The following EVC variants were observed in gnomAD, a reference collection of about 807,000 sequenced individuals.
EVC encodes evC complex member EVC.
A neutral mutation model predicts 118.9 loss-of-function variants in EVC; 116 were observed. That is an observed-to-expected ratio of 0.98 (90% confidence interval 0.84 to 1.14). The LOEUF (loss-of-function observed/expected upper bound fraction) is 1.14, where lower values mean the gene tolerates loss of function less well. EVC is among the 50% of genes most tolerant of loss of function. The pLI is 0.00. For synonymous variants in EVC, 619 were observed against 534.7 expected, an observed-to-expected ratio of 1.16 and a Z score of -2.18; for missense variants, 1,401 against 1,246.4, an observed-to-expected ratio of 1.12 and a Z score of -1.87.
rs374197757 is a variant in EVC, at chr4:5,731,433, C to T, written c.393C>T (p.Ala131=). The change falls in exon 4 of 21, where the codon GCC becomes GCT. Residue 131 remains alanine, a synonymous_variant. Transcript: ENST00000264956. The surrounding 1 kb of genome is among the most constrained non-coding windows in gnomAD (Gnocchi z 5.6). Reference sequence around the variant, plus strand: ...TCCTACTGCCACCCCAGCCTCTGGCCGATGGCTCCTCCAACCCGTCTCTGC... The same window carrying T: ...TCCTACTGCCACCCCAGCCTCTGGCTGATGGCTCCTCCAACCCGTCTCTGC... ...YPINQKFRPL[A]DGSSNPSLHE... is the part of the protein sequence containing the mutation. 3.7e-6 allele frequency: 6 copies of T among 1,613,424 alleles called. No individual in the cohort carries two copies. Among genetic ancestry groups the T allele is most frequent in the South Asian group, 1.1e-5 (1 of 91,032 alleles).
At position 5,737,685 on chromosome 4, in the gene EVC, T is replaced by A. The variant is rs964620723; in HGVS notation, c.703-4031T>A. Among the ~76,000 whole-genome samples, 6 of 152,190 alleles carry A rather than the reference T, an allele frequency of 3.9e-5. No individual in the cohort carries two copies. The highest frequency in any genetic ancestry group is 1.3e-4 in the Admixed American group (2 of 15,282). ...AAGCCTGGATCACAACACAGCTGTT[T>A]ATAGCATAGTTTAAGCCCACTATTG... On this transcript the variant is annotated intron_variant, in intron 5 of 20. Coordinates refer to ENST00000264956, the MANE Select transcript of EVC (RefSeq NM_153717.3). The surrounding 1 kb of genome is among the most constrained non-coding windows in gnomAD (Gnocchi z 5.0).
intron 5 of EVC, among the ~76,000 whole-genome samples, chr4:5,739,051 T>C (rs573738605): frequency 3.3e-5 from 5 of 152,280 alleles, no homozygotes; most frequent in African/African-American, 1.2e-4. Flanking sequence ...GCGGCTTGCT[T>C]TATTGTGATA....
chr4:5,770,906 G>C (rs944060352), intron 11 of EVC, among the ~76,000 whole-genome samples: 1 of 151,986 alleles, frequency 6.6e-6, no homozygotes, highest in Non-Finnish European at 1.5e-5. Flanking sequence ...CCAGCTACTT[G>C]GGAGGCTGAG....
At chr4:5,767,441 C>G (rs1169767554) in intron 11 of EVC, among the ~76,000 whole-genome samples, 3 of 150,544 alleles carry the variant, frequency 2.0e-5, no homozygotes, top group African/African-American at 7.3e-5. Flanking sequence ...GTTGCAGCTT[C>G]CAGGCTGCTT....
chr4:5,819,322 T>G, the EVC span, among the ~76,000 whole-genome samples: 3 of 152,158 alleles, frequency 2.0e-5, no homozygotes, highest in East Asian at 5.8e-4. Flanking sequence ...TGCAGATGAA[T>G]GAATGAGAAT....
chr4:5,770,247 G>A (rs1373780957), intron 11 of EVC, among the ~76,000 whole-genome samples: 9 of 152,076 alleles, frequency 5.9e-5, no homozygotes, highest in Admixed American at 2.0e-4. Flanking sequence ...CTGACCCTCC[G>A]CCCCCACAGC....
chr4:5,797,321 A>C, intron 14 of EVC, 89 bp downstream of exon 14: 1 of 1,109,844 alleles, frequency 9.0e-7, no homozygotes, highest in Non-Finnish European at 1.3e-6. Flanking sequence ...CAGAACCCGA[A>C]TCCTATCACC....
In EVC at chr4:5,719,648, G is replaced by GC. The variant is rs1461502796; in HGVS notation, c.300+280dup. On this transcript the variant is annotated intron_variant, in intron 2 of 20. Coordinates refer to ENST00000264956, the MANE Select transcript of EVC (RefSeq NM_153717.3). The surrounding 1 kb of genome is among the most constrained non-coding windows in gnomAD (Gnocchi z 4.7). ...TAGTGCCCCTTTCTGGTCACTTCCC[G>GC]CCCCCACACACTTCCAGAGGTGCCC... 1.3e-5 allele frequency among the ~76,000 whole-genome samples: 2 copies of GC among 151,978 alleles called. No individual in the cohort carries two copies. The highest frequency in any genetic ancestry group is 2.9e-5 in the Non-Finnish European group (2 of 67,996).
At chr4:5,761,338 C>G (rs903521104) in intron 11 of EVC, among the ~76,000 whole-genome samples, 2 of 152,030 alleles carry the variant, frequency 1.3e-5, no homozygotes, top group Non-Finnish European at 2.9e-5. Flanking sequence ...TGAATCTCAA[C>G]CACCAAAATG....
intron 12 of EVC, among the ~76,000 whole-genome samples, chr4:5,786,670 G>C (rs910900378): frequency 1.3e-5 from 2 of 152,096 alleles, no homozygotes; most frequent in Non-Finnish European, 2.9e-5. Context: ...TCAGGAGATC[G>C]AGACCATCCT....
At chr4:5,806,025 C>G (rs1715845102) in intron 17 of EVC, among the ~76,000 whole-genome samples, 1 of 150,742 alleles carries the variant, frequency 6.6e-6, no homozygotes, top group Non-Finnish European at 1.5e-5. Context: ...TTCTCATCAT[C>G]CACTCCCCTC....
intron 7 of EVC, 64 bp downstream of exon 7, chr4:5,745,405 A>G (rs1729221426): frequency 6.5e-7 from 1 of 1,528,874 alleles, no homozygotes; most frequent in Non-Finnish European, 9.1e-7. Flanking sequence ...AATTGGCTAC[A>G]TTAGAGAGAT....
rs1686418387 is a variant in EVC, at chr4:5,742,390, A to G, written c.801+576A>G. ...CTGTGAATATGTGATGGCTGCTGTC[A>G]TCCTCATTATCACAACCACCACCAA... On this transcript the variant is annotated intron_variant, in intron 6 of 20. Coordinates refer to ENST00000264956, the MANE Select transcript of EVC (RefSeq NM_153717.3). This position sits in a 1 kb window ranked among gnomAD's most constrained non-coding sequence, Gnocchi z 5.2. 6.6e-6 allele frequency among the ~76,000 whole-genome samples: 1 copy of G among 152,138 alleles called. No homozygotes were observed. The highest frequency in any genetic ancestry group is 2.4e-5 in the African/African-American group (1 of 41,428).
At chr4:5,797,456 G>T in intron 14 of EVC, 1 of 602,722 alleles carries the variant, frequency 1.7e-6, no homozygotes, top group East Asian at 2.8e-5. Context: ...CGGAGATCAG[G>T]GTGTGGGCAG....
At chr4:5,804,604 G>A (rs746784895) in intron 16 of EVC, 126 bp from the exon 17 acceptor site, 43 of 775,498 alleles carry the variant, frequency 5.5e-5, no homozygotes, top group Non-Finnish European at 9.4e-5. Flanking sequence ...TCCCTGTGCT[G>A]GTGGAAGGAT....
rs1049950431 is a variant in EVC at position 5,711,570 on chromosome 4, A to G, written c.174+16A>G. On this transcript the variant is annotated intron_variant, in intron 1 of 20. Coordinates refer to ENST00000264956, the MANE Select transcript of EVC (RefSeq NM_153717.3). Reference sequence around the variant, plus strand: ...GCGACACCAGGTGGGTCGGCCGAGCAGACAGCGGCGGGGCGGGGAGCGCGG... The same window carrying G: ...GCGACACCAGGTGGGTCGGCCGAGCGGACAGCGGCGGGGCGGGGAGCGCGG... 3.4e-4 allele frequency: 390 copies of G among 1,161,232 alleles called. 1 individual carries two copies. The highest frequency in any genetic ancestry group is 4.2e-4 in the Admixed American group (9 of 21,274). 71.9% of individuals were successfully genotyped at this position (1,161,232 alleles called of 1,614,324 possible).
At position 5,731,304 on chromosome 4, in the gene EVC, A is replaced by G; in HGVS notation, c.385-121A>G. 2.3e-6 allele frequency: 2 copies of G among 879,458 alleles called. No homozygotes were observed. Among genetic ancestry groups the G allele is most frequent in the South Asian group, 1.3e-5 (1 of 74,934 alleles). 54.5% of individuals were successfully genotyped at this position (879,458 alleles called of 1,614,324 possible). A position where few individuals can be genotyped will look rare whatever the true frequency, so the allele number is the denominator to read the frequency against. On this transcript the variant is annotated intron_variant, in intron 3 of 20. Coordinates refer to ENST00000264956, the MANE Select transcript of EVC (RefSeq NM_153717.3). This position sits in a 1 kb window ranked among gnomAD's most constrained non-coding sequence, Gnocchi z 5.6. ...TGTGGTGTCTGCTGGCACCCTGGCC[A>G]GTCTCCTCCAGGCAGACCTTCCTGT... is the stretch of plus-strand genomic sequence containing the variant.
At chr4:5,809,419 A>T in intron 18 of EVC, 99 bp from the exon 19 acceptor site, 1 of 1,049,502 alleles carries the variant, frequency 9.5e-7, no homozygotes, top group Non-Finnish European at 1.5e-6. Context: ...CGTGGTCTTC[A>T]GTGGCCAGCC....
chr4:5,798,834 A>G lies in EVC; in HGVS notation c.2304+42A>G. ...GTCCCTGGGGACACCGAGGGCAAGA[A>G]TGTTCAGGGTAGGGTCCATGCCTGG... On this transcript the variant is annotated intron_variant, in intron 15 of 20. Transcript: ENST00000264956. The surrounding 1 kb of genome is among the most constrained non-coding windows in gnomAD (Gnocchi z 4.1). 1.3e-6 allele frequency: 2 copies of G among 1,586,880 alleles called. No individual in the cohort carries two copies. The highest frequency in any genetic ancestry group is 1.7e-6 in the Non-Finnish European group (2 of 1,165,362).
Sources: gnomAD v4.1 joint callset for allele counts (sites outside exome capture counted in the v4.1 genomes callset) on GRCh38, gnomAD v4.1.1 for gene constraint, Gnocchi (gnomAD v3.1) non-coding constraint, MANE v1.5 for transcripts, NCBI Gene and HGNC (gene_info 2026-07-23, HGNC 2026-07-21) for gene names.